PSG11: variants seen among roughly 807,000 people sequenced by gnomAD.
The protein encoded by PSG11 is pregnancy specific beta-1-glycoprotein 11.
PSG11 carries 42 observed loss-of-function variants against 36.0 expected under a neutral mutation model. The ratio of observed to expected loss-of-function variants is 1.17; its 90% CI spans 0.91 to 1.51. The LOEUF (loss-of-function observed/expected upper bound fraction) is 1.51. PSG11 is among the 40% of genes most tolerant of loss of function. The probability of loss-of-function intolerance (pLI) is 0.00; values close to 1 mark genes in which losing one functional copy is unlikely to be tolerated. For missense variants in PSG11, 558 were observed against 403.5 expected, an observed-to-expected ratio of 1.38 and a Z score of -3.28; for synonymous variants, 206 against 153.5, an observed-to-expected ratio of 1.34 and a Z score of -2.53.
chr19:43,024,835 T>C lies in PSG11; in HGVS notation c.286A>G (p.Ser96Gly). The C allele has an allele frequency of 6.2e-7, 1 of 1,612,024 alleles. No homozygotes were observed. The highest frequency in any genetic ancestry group is 1.1e-5 in the South Asian group (1 of 90,828). The part of the protein sequence containing the change: ...GQIIIYGPAY[S>G]GRETVYSNAS... ...TTGGAATATACTGTTTCTCGTCCAC[T>C]GTATGCCGGTCCATATATAATTATT... The change falls in exon 2 of 6, where the codon AGT (serine) becomes GGT (glycine). Residue 96 changes from serine to glycine, a missense_variant. By Grantham distance (56) the Ser-to-Gly change is moderately conservative. Transcript: ENST00000320078.
chr19:43,010,083 T>C (rs1465024371), intron 4 of PSG11, 42 bp from the exon 5 acceptor site: 2 of 1,588,172 alleles, frequency 1.3e-6, no homozygotes, highest in African/African-American at 2.7e-5. Context: ...AAGGTGATGT[T>C]ATTTTACATG....
intron 5 of PSG11, among the ~76,000 whole-genome samples, chr19:43,008,676 T>C (rs557002486): frequency 6.6e-6 from 1 of 151,504 alleles, no homozygotes; most frequent in South Asian, 2.1e-4. Flanking sequence ...ATGTAATATA[T>C]AAAATAAGGT....
In PSG11 at chr19:43,010,103, C is replaced by T. The variant is rs568929057; in HGVS notation, c.965-62G>A. 27 of 1,562,908 alleles carry T rather than the reference C, an allele frequency of 1.7e-5. 1 individual carries two copies. In the African/African-American group the frequency reaches 3.3e-4, roughly 19 times the overall value. On this transcript the variant is annotated intron_variant, in intron 4 of 5. Coordinates refer to ENST00000320078, the MANE Select transcript of PSG11 (RefSeq NM_002785.3). ...GATGTTATTTTACATGGGGGAGCGT[C>T]AGGAACAAGCATGTAACATGAGATA...
chr19:43,016,200 A>T (rs1009523820), intron 3 of PSG11, among the ~76,000 whole-genome samples: 4 of 151,294 alleles, frequency 2.6e-5, no homozygotes, highest in Admixed American at 2.0e-4. Context: ...ATGCATGATG[A>T]TCTAAGGGCT....
At chr19:43,016,242 G>C (rs920813166) in intron 3 of PSG11, among the ~76,000 whole-genome samples, 1 of 151,292 alleles carries the variant, frequency 6.6e-6, no homozygotes, top group African/African-American at 2.4e-5. Context: ...CTTCATCTTA[G>C]GAAAGCACAG....
rs1199382715 is a variant in PSG11 at position 43,015,388 on chromosome 19, A to T, written c.710-18T>A. The T allele has an allele frequency of 1.9e-6, 3 of 1,602,290 alleles. No homozygotes were observed. The highest frequency in any genetic ancestry group is 2.2e-5 in the South Asian group (2 of 89,270). On this transcript the variant is annotated intron_variant, in intron 3 of 5. Coordinates refer to ENST00000320078, the MANE Select transcript of PSG11 (RefSeq NM_002785.3). ...TGGACCATCTGGAGGAAAGAGAATA[A>T]AGCCACAGTTGATGTCATCTGAGGG...
intron 2 of PSG11, chr19:43,019,744 G>C (rs915071133): frequency 8.5e-5 from 13 of 152,532 alleles, no homozygotes; most frequent in Admixed American, 3.3e-4. Flanking sequence ...GGCAAGAGCT[G>C]ATAGCTTTGA....
At chr19:43,012,725 T>C (rs1599669510) in intron 4 of PSG11, among the ~76,000 whole-genome samples, 1 of 151,484 alleles carries the variant, frequency 6.6e-6, no homozygotes, top group South Asian at 2.1e-4. Flanking sequence ...AAGTGAGCTG[T>C]GGATTCAATG....
chr19:43,020,972 G>A (rs1967087902), intron 2 of PSG11, among the ~76,000 whole-genome samples: 2 of 151,398 alleles, frequency 1.3e-5, no homozygotes, highest in South Asian at 4.2e-4. Context: ...AATGGCTCAT[G>A]TGTCTCCCCA....
intron 3 of PSG11, chr19:43,015,654 G>C (rs767578174): frequency 2.6e-6 from 4 of 1,528,176 alleles, no homozygotes; most frequent in Non-Finnish European, 3.5e-6. Flanking sequence ...TGGCCACCTC[G>C]GATGTCCAAA....
intron 4 of PSG11, chr19:43,014,194 A>G (rs1411664611): frequency 5.3e-6 from 2 of 376,562 alleles, no homozygotes; most frequent in Non-Finnish European, 7.3e-6. Flanking sequence ...GGATAGTGTG[A>G]TGGTTACATA....
At chr19:43,013,889 G>C (rs1428384532) in intron 4 of PSG11, among the ~76,000 whole-genome samples, 1 of 151,482 alleles carries the variant, frequency 6.6e-6, no homozygotes, top group Non-Finnish European at 1.5e-5. Context: ...TGAAAGATAA[G>C]TGTGTAGGCA....
intron 1 of PSG11, 62 bp from the exon 2 acceptor site, chr19:43,025,118 G>C: frequency 6.4e-7 from 1 of 1,559,804 alleles, no homozygotes; most frequent in Non-Finnish European, 8.7e-7. Flanking sequence ...AAAAGATGGG[G>C]CCCTGAGTCC....
rs1967231796 is a variant in PSG11, at chr19:43,025,732, T to C, written c.64+577A>G. On this transcript the variant is annotated intron_variant, in intron 1 of 5. Transcript: ENST00000320078. ...ATGCCCTGTTTATTTTTATTTGTAG[T>C]GTCATCTGATATAGTTATTATTATC... Among the ~76,000 whole-genome samples the C allele has an allele frequency of 2.0e-5, 3 of 149,346 alleles. No homozygotes were observed. The South Asian group carries it at 6.4e-4, about 32-fold the overall frequency.
chr19:43,019,266 G>T, intron 2 of PSG11: 1 of 1,061,696 alleles, frequency 9.4e-7, no homozygotes, highest in Non-Finnish European at 1.3e-6. Context: ...ACTTTCTCAG[G>T]TGTGAATTGA....
At chr19:43,009,850 G>A (rs1450871193) in intron 5 of PSG11, 108 bp downstream of exon 5, 2 of 847,146 alleles carry the variant, frequency 2.4e-6, no homozygotes, top group Non-Finnish European at 1.9e-6. Context: ...GGAGTTAGTG[G>A]ATGAAGGAGG....
In PSG11 at chr19:43,025,168, C is replaced by T. The variant is rs184125206; in HGVS notation, c.65-112G>A. On this transcript the variant is annotated intron_variant, in intron 1 of 5. Coordinates refer to ENST00000320078, the MANE Select transcript of PSG11 (RefSeq NM_002785.3). ...CAATCCTCAGCCTTGAAGACACACA[C>T]ACACACACACACACACATACAAACA... 1.2e-4 allele frequency: 168 copies of T among 1,387,628 alleles called. 2 individuals carry two copies. In the Admixed American group the frequency reaches 3.6e-3, roughly 30 times the overall value. 86.0% of individuals were successfully genotyped at this position (1,387,628 alleles called of 1,614,324 possible).
At chr19:43,013,727 A>G (rs1004443414) in intron 4 of PSG11, among the ~76,000 whole-genome samples, 3 of 151,432 alleles carry the variant, frequency 2.0e-5, no homozygotes, top group Non-Finnish European at 4.4e-5. Flanking sequence ...TTCTCAAAAA[A>G]TTAAACAATG....
rs1316402011 is a variant in PSG11, at chr19:43,024,744, T to A, written c.377A>T (p.Lys126Met). The change falls in exon 2 of 6, where the codon AAG becomes ATG. Residue 126 changes from lysine to methionine, a missense_variant. By Grantham distance (95) the Lys-to-Met change is moderately conservative. Coordinates refer to ENST00000320078, the MANE Select transcript of PSG11 (RefSeq NM_002785.3). ...DAGSYTLHII[K>M]RGDGTRGVTG... ...TACTCCTCTAGTCCCATCACCTCGC[T>A]TTATGATGTGTAAGGTGTAGGATCC... 4.3e-6 allele frequency: 7 copies of A among 1,611,692 alleles called. No individual in the cohort carries two copies. Among genetic ancestry groups the A allele is most frequent in the Non-Finnish European group, 2.5e-6 (3 of 1,178,940 alleles).
Sources: allele counts gnomAD v4.1 joint callset (sites outside exome capture counted in the v4.1 genomes callset), GRCh38; gene constraint gnomAD v4.1.1; transcripts MANE v1.5; gene names NCBI Gene and HGNC (gene_info 2026-07-23, HGNC 2026-07-21).